ADAMTS12: variants seen among roughly 807,000 people sequenced by gnomAD.
The protein encoded by ADAMTS12 is A disintegrin and metalloproteinase with thrombospondin motifs 12.
Under a neutral mutation model 167.8 loss-of-function variants are expected in ADAMTS12, and 118 were observed. The observed-to-expected ratio is 0.70, with a 90% CI of 0.61 to 0.82. The LOEUF is 0.82. ADAMTS12 is among the 40% of genes least tolerant of loss of function. The pLI is 0.00. For synonymous variants in ADAMTS12, 704 were observed against 716.9 expected (o/e 0.98, Z 0.29); for missense variants, 1,916 against 1,998.8 (o/e 0.96, Z 0.79).
intron 5 of ADAMTS12, among the ~76,000 whole-genome samples, chr5:33,677,698 G>A (rs955589342): frequency 6.6e-6 from 1 of 152,210 alleles, no homozygotes; most frequent in Non-Finnish European, 1.5e-5. Context: ...ACAGGAGTGA[G>A]AGCAAGCTGG....
chr5:33,561,419 C>T (rs1045004698), intron 19 of ADAMTS12, among the ~76,000 whole-genome samples: 2 of 152,198 alleles, frequency 1.3e-5, no homozygotes, highest in Admixed American at 6.5e-5. Context: ...AAAATAGTCA[C>T]GGTTGAGAAA....
chr5:33,523,894 A>C lies in ADAMTS12; in HGVS notation c.*3294T>G, dbSNP rs1353772900. 1 of 152,226 alleles carries C rather than the reference A, an allele frequency of 6.6e-6. No homozygotes were observed. The highest frequency in any genetic ancestry group is 1.5e-5 in the Non-Finnish European group (1 of 68,048). 9.4% of individuals were successfully genotyped at this position (152,226 alleles called of 1,614,324 possible). A position where few individuals can be genotyped will look rare whatever the true frequency, so the allele number is the denominator to read the frequency against. The stretch of plus-strand genomic sequence containing the variant: ...CTTCAAAAGTGAATCACTGTGGACC[A>C]AGCACCAGAAACATCGTCCCAAAGA... On this transcript the variant is annotated 3_prime_UTR_variant, in exon 24 of 24. Transcript: ENST00000504830.
intron 12 of ADAMTS12, 52 bp downstream of exon 12, chr5:33,637,525 C>A: frequency 6.5e-7 from 1 of 1,549,756 alleles, no homozygotes; most frequent in South Asian, 1.2e-5. Flanking sequence ...CATACAAATG[C>A]TTTGAGAATG....
chr5:33,765,413 G>T (rs1179983329), intron 2 of ADAMTS12, among the ~76,000 whole-genome samples: 1 of 152,082 alleles, frequency 6.6e-6, no homozygotes, highest in African/African-American at 2.4e-5. Context: ...TTTTGCATTG[G>T]TTCTGTCTTT....
chr5:33,638,054 T>C (rs1404767890), intron 11 of ADAMTS12, among the ~76,000 whole-genome samples: 1 of 152,168 alleles, frequency 6.6e-6, no homozygotes, highest in Admixed American at 6.6e-5. Context: ...GATTCCTATT[T>C]GGTGAGTTAA....
At chr5:33,579,991 G>C (rs1265701299) in intron 18 of ADAMTS12, among the ~76,000 whole-genome samples, 1 of 152,078 alleles carries the variant, frequency 6.6e-6, no homozygotes, top group Non-Finnish European at 1.5e-5. Flanking sequence ...ATGTCTACAA[G>C]ATACTGTGGA....
intron 3 of ADAMTS12, among the ~76,000 whole-genome samples, chr5:33,699,312 A>G (rs1742903126): frequency 6.6e-6 from 1 of 152,098 alleles, no homozygotes; most frequent in Admixed American, 6.5e-5. Context: ...TCAAAGGAGA[A>G]AGGATGGTCT....
intron 2 of ADAMTS12, among the ~76,000 whole-genome samples, chr5:33,815,488 G>C (rs1271009855): frequency 1.3e-5 from 2 of 152,202 alleles, no homozygotes; most frequent in Non-Finnish European, 2.9e-5. Flanking sequence ...CCCTGAACCT[G>C]ACCATCCTGG....
chr5:33,842,627 G>A (rs575171779), intron 2 of ADAMTS12, among the ~76,000 whole-genome samples: 3 of 152,334 alleles, frequency 2.0e-5, no homozygotes, highest in African/African-American at 4.8e-5. Context: ...TTGAGGAAAC[G>A]CAAGGGGCAG....
chr5:33,597,103 T>C (rs1022215133), intron 16 of ADAMTS12, among the ~76,000 whole-genome samples: 7 of 152,180 alleles, frequency 4.6e-5, no homozygotes, highest in Admixed American at 1.3e-4. Context: ...ATTATCATTA[T>C]CTGACAGGCG....
At chr5:33,591,122 T>G (rs1283070656) in intron 17 of ADAMTS12, among the ~76,000 whole-genome samples, 1 of 149,980 alleles carries the variant, frequency 6.7e-6, no homozygotes, top group African/African-American at 2.5e-5. Context: ...GTGCCTATGT[T>G]TGAGATCTTT....
intron 22 of ADAMTS12, among the ~76,000 whole-genome samples, chr5:33,537,966 A>G (rs1447632871): frequency 2.6e-5 from 4 of 152,172 alleles, no homozygotes; most frequent in African/African-American, 9.7e-5. Flanking sequence ...GTGTCAGTGT[A>G]TCAGACCATC....
In ADAMTS12 at chr5:33,751,423, C is replaced by T. The variant is rs372926192; in HGVS notation, c.615G>A (p.Glu205=). The T allele has an allele frequency of 2.5e-6, 4 of 1,614,166 alleles. No individual in the cohort carries two copies. Among genetic ancestry groups the T allele is most frequent in the Non-Finnish European group, 3.4e-6 (4 of 1,180,028 alleles). Residue 205 remains glutamate, a synonymous_variant, in exon 3 of 24, where the codon GAG becomes GAA. Coordinates refer to ENST00000504830, the MANE Select transcript of ADAMTS12 (RefSeq NM_030955.4). The stretch of plus-strand genomic sequence containing the variant: ...CAATACCCTTTAATCCACAGGTTGG[C>T]TCCTTGGTTTCTGGAACTTTCTGCC... ...YRRQKVPETK[E]PTCGLKDSVN...
chr5:33,560,136 C>G (rs375572863), intron 20 of ADAMTS12, among the ~76,000 whole-genome samples: 2 of 152,174 alleles, frequency 1.3e-5, no homozygotes, highest in East Asian at 3.8e-4. Context: ...CCAAACTTAA[C>G]TTTTCTGGTT....
chr5:33,541,809 C>T (rs1187705584), intron 22 of ADAMTS12, among the ~76,000 whole-genome samples: 2 of 152,194 alleles, frequency 1.3e-5, no homozygotes, highest in Non-Finnish European at 2.9e-5. Flanking sequence ...CACCACCAGG[C>T]CTGCCTTACA....
intron 7 of ADAMTS12, among the ~76,000 whole-genome samples, chr5:33,657,450 A>G (rs76488179): frequency 0.028 from 4,204 of 152,302 alleles, 79 homozygotes; most frequent in South Asian, 0.063. Flanking sequence ...GTTAGCAAAT[A>G]TAACAGCAAA....
rs138603217 is a variant in ADAMTS12 at position 33,576,095 on chromosome 5, C to T, written c.3931G>A (p.Gly1311Ser). ...NASNYKQLTN[G>S]HGSAHWIVGN... The stretch of plus-strand genomic sequence containing the variant: ...ACGATCCAGTGTGCAGAGCCGTGGC[C>T]GTTTGTGAGCTGCTTGTAATTGGAG... The change falls in exon 19 of 24, where the codon GGC becomes AGC. Residue 1311 changes from glycine (G) to serine (S), a missense_variant. By Grantham distance (56) the Gly-to-Ser change is moderately conservative. Transcript: ENST00000504830. The T allele has an allele frequency of 7.4e-6, 12 of 1,613,826 alleles. No homozygotes were observed. Among genetic ancestry groups the T allele is most frequent in the East Asian group, 6.7e-5 (3 of 44,878 alleles).
chr5:33,834,057 T>C (rs1254533442), intron 2 of ADAMTS12, among the ~76,000 whole-genome samples: 1 of 152,222 alleles, frequency 6.6e-6, no homozygotes, highest in Non-Finnish European at 1.5e-5. Context: ...CCAGCCCTGC[T>C]TGGTGGCTTT....
In ADAMTS12 at chr5:33,856,981, A is replaced by T. The variant is rs139435834; in HGVS notation, c.489+24138T>A. Among the ~76,000 whole-genome samples the T allele has an allele frequency of 5.0e-3, 757 of 152,360 alleles. 7 individuals are homozygous for T. The highest frequency in any genetic ancestry group is 0.018 in the African/African-American group (736 of 41,580). Reference sequence around the variant, plus strand: ...TATGGCAGCACTATCCACAATAGCCAAGATATGGAAACAGCCTAAATGTCC... The same window carrying T: ...TATGGCAGCACTATCCACAATAGCCTAGATATGGAAACAGCCTAAATGTCC... On this transcript the variant is annotated intron_variant, in intron 2 of 23. Coordinates refer to ENST00000504830, the MANE Select transcript of ADAMTS12 (RefSeq NM_030955.4).
Sources: gnomAD v4.1 joint callset for allele counts (sites outside exome capture counted in the v4.1 genomes callset) on GRCh38, gnomAD v4.1.1 for gene constraint, MANE v1.5 for transcripts, NCBI Gene and HGNC (gene_info 2026-07-23, HGNC 2026-07-21) for gene names.